Variants in SPATA13 observed in about 807,000 individuals in gnomAD.
The protein encoded by SPATA13 is spermatogenesis associated 13, also known as spermatogenesis-associated protein 13.
Under a neutral mutation model 104.0 loss-of-function variants are expected in SPATA13, and 50 were observed. That is an observed-to-expected ratio of 0.48 (90% CI 0.38 to 0.61). SPATA13 has a LOEUF of 0.61. Ranked by LOEUF, SPATA13 falls within the 20% of genes least tolerant of loss-of-function variation. The pLI, the probability that SPATA13 is intolerant of heterozygous loss-of-function variation, is 0.00. For synonymous variants in SPATA13, 606 were observed against 667.5 expected (o/e 0.91, Z 1.42); for missense variants, 1,524 against 1,690.6 (o/e 0.90, Z 1.73).
intron 7 of SPATA13, among the ~76,000 whole-genome samples, chr13:24,287,292 G>T (rs780120292): frequency 1.3e-5 from 2 of 152,140 alleles, no homozygotes; most frequent in Non-Finnish European, 2.9e-5. Context: ...CCCCCGAGTA[G>T]CTAGGGCTAC....
intron 2 of SPATA13, among the ~76,000 whole-genome samples, chr13:24,227,285 A>G (rs1324518195): frequency 6.6e-6 from 1 of 152,220 alleles, no homozygotes; most frequent in Admixed American, 6.5e-5. Context: ...TATTTTTTTA[A>G]AAATCATTGA....
intron 1 of SPATA13, among the ~76,000 whole-genome samples, chr13:24,220,247 C>T (rs728097): frequency 0.2 from 29,816 of 151,968 alleles, 3,638 homozygotes; most frequent in African/African-American, 0.33. Flanking sequence ...AAGGTTAGGC[C>T]GATTCCCATG....
intron 10 of SPATA13, among the ~76,000 whole-genome samples, chr13:24,296,383 C>T (rs1448839022): frequency 5.3e-5 from 8 of 152,202 alleles, no homozygotes; most frequent in African/African-American, 1.9e-4. Flanking sequence ...AGGCCATTGT[C>T]ATACCAAATA....
At chr13:24,102,839 G>C (rs9511056) in intron 3 of SPATA13, among the ~76,000 whole-genome samples, 122,913 of 152,102 alleles carry the variant, frequency 0.81, 52,125 homozygotes, top group Non-Finnish European at 0.94. Flanking sequence ...GTTGCCGATG[G>C]TTTTGGTGTT....
intron 3 of SPATA13, among the ~76,000 whole-genome samples, chr13:24,109,905 G>A (rs1169545284): frequency 6.6e-6 from 1 of 151,324 alleles, no homozygotes; most frequent in Admixed American, 6.6e-5. Flanking sequence ...TGAATCAAAG[G>A]TGGCACCTTT....
intron 3 of SPATA13, among the ~76,000 whole-genome samples, chr13:24,068,447 T>C (rs1879044809): frequency 1.3e-5 from 2 of 152,228 alleles, no homozygotes; most frequent in African/African-American, 4.8e-5. Context: ...ATACACGTGC[T>C]TGTGTCTTTA....
intron 3 of SPATA13, among the ~76,000 whole-genome samples, chr13:24,047,421 C>G (rs566629031): frequency 6.6e-6 from 1 of 152,132 alleles, no homozygotes; most frequent in African/African-American, 2.4e-5. Flanking sequence ...ATTCATTTTA[C>G]AAAGGCAGTT....
intron 2 of SPATA13, among the ~76,000 whole-genome samples, chr13:23,990,624 C>T (rs1246209115): frequency 6.6e-6 from 1 of 152,180 alleles, no homozygotes; most frequent in East Asian, 1.9e-4. Flanking sequence ...TCAGATCCAG[C>T]ATGTCCCTTA....
At chr13:24,013,487 A>G (rs1364536639) in intron 2 of SPATA13, among the ~76,000 whole-genome samples, 1 of 149,688 alleles carries the variant, frequency 6.7e-6, no homozygotes, top group African/African-American at 2.5e-5. Context: ...CCAGGATTCT[A>G]CCTACTCTGA....
intron 2 of SPATA13, among the ~76,000 whole-genome samples, chr13:24,000,943 A>G (rs762953274): frequency 3.3e-5 from 5 of 152,114 alleles, no homozygotes; most frequent in Admixed American, 3.3e-4. Context: ...GGGACTGGAC[A>G]GTGTTTACTT....
intron 1 of SPATA13, among the ~76,000 whole-genome samples, chr13:24,188,994 C>T (rs572078701): frequency 2.0e-5 from 3 of 152,194 alleles, no homozygotes; most frequent in Non-Finnish European, 4.4e-5. Context: ...CTGTTGAGAC[C>T]TACTGTTTAG....
chr13:24,016,256 T>A (rs1382512863), intron 2 of SPATA13, among the ~76,000 whole-genome samples: 1 of 152,092 alleles, frequency 6.6e-6, no homozygotes, highest in African/African-American at 2.4e-5. Flanking sequence ...CCTGGAGTGC[T>A]CCATCCTCCA....
intron 3 of SPATA13, among the ~76,000 whole-genome samples, chr13:24,028,833 T>C (rs1877349852): frequency 6.6e-6 from 1 of 152,192 alleles, no homozygotes. Context: ...ATTATATTTC[T>C]CTATTTTAAA....
chr13:24,200,076 G>A (rs1870310916), intron 1 of SPATA13, among the ~76,000 whole-genome samples: 2 of 152,154 alleles, frequency 1.3e-5, no homozygotes, highest in Admixed American at 6.5e-5. Context: ...ATCAACAAAT[G>A]AGAGCTATTA....
At chr13:24,082,598 A>T (rs973701514) in intron 3 of SPATA13, among the ~76,000 whole-genome samples, 4 of 151,840 alleles carry the variant, frequency 2.6e-5, no homozygotes, top group African/African-American at 9.7e-5. Flanking sequence ...AGGCGGGTGG[A>T]TCATGAGGTC....
chr13:24,282,606 C>G (rs977428594), intron 4 of SPATA13, among the ~76,000 whole-genome samples: 2 of 152,192 alleles, frequency 1.3e-5, no homozygotes, highest in African/African-American at 4.8e-5. Context: ...CTGCCCACTC[C>G]CACTAACCTG....
intron 8 of SPATA13, among the ~76,000 whole-genome samples, chr13:24,289,436 T>C (rs942753949): frequency 1.3e-5 from 2 of 152,240 alleles, no homozygotes; most frequent in African/African-American, 2.4e-5. Flanking sequence ...TTTGGAGTAA[T>C]TACTTTTTAA....
At position 24,049,497 on chromosome 13, in the gene SPATA13, TC is replaced by T. The variant is rs201527768; in HGVS notation, c.-112+31797del. On this transcript the variant is annotated intron_variant, in intron 3 of 14. Coordinates refer to the SPATA13 transcript ENST00000424834. The stretch of plus-strand genomic sequence containing the variant: ...ACACAGCAACAACATCGCCTACATT[TC>T]TCAGAATGTAGCCCCATTAGTAAGA... 1.5e-3 allele frequency among the ~76,000 whole-genome samples: 223 copies of T among 152,288 alleles called. 1 individual carries two copies. In the East Asian group the frequency reaches 0.036, roughly 25 times the overall value.
At chr13:24,144,036 C>T (rs970337129) in intron 3 of SPATA13, among the ~76,000 whole-genome samples, 4 of 152,162 alleles carry the variant, frequency 2.6e-5, no homozygotes, top group Admixed American at 2.6e-4. Context: ...GTGGGGAGAA[C>T]AGAGAGCCTC....
Sources: gnomAD v4.1 joint callset for allele counts (sites outside exome capture counted in the v4.1 genomes callset) on GRCh38, gnomAD v4.1.1 for gene constraint, MANE v1.5 for transcripts, NCBI Gene and HGNC (gene_info 2026-07-23, HGNC 2026-07-21) for gene names.